The following SUMF1 variants were observed in gnomAD, a reference collection of about 807,000 sequenced individuals.
SUMF1 encodes the protein formylglycine-generating enzyme.
A neutral mutation model predicts 47.6 loss-of-function variants in SUMF1; 48 were observed. That is an observed-to-expected ratio of 1.01 (90% confidence interval 0.80 to 1.28). The LOEUF (loss-of-function observed/expected upper bound fraction) is 1.28, where lower values mean the gene tolerates loss of function less well. Among genes scored for constraint, SUMF1 ranks in the 50% most tolerant of loss-of-function variants. SUMF1 has a pLI of 0.00. For synonymous variants in SUMF1, 230 were observed against 192.1 expected (o/e 1.20, Z -1.63); for missense variants, 571 against 485.4 (o/e 1.18, Z -1.66).
At chr3:4,077,520 G>A (rs908665450) in intron 8 of SUMF1, among the ~76,000 whole-genome samples, 2 of 152,068 alleles carry the variant, frequency 1.3e-5, no homozygotes, top group Admixed American at 1.3e-4. Context: ...CATGGATGAA[G>A]CTGGAAACCA....
chr3:4,278,261 G>C (rs554436508), intron 8 of SUMF1, among the ~76,000 whole-genome samples: 2 of 151,856 alleles, frequency 1.3e-5, no homozygotes, highest in South Asian at 4.2e-4. Context: ...CAGTGAAGTA[G>C]GTAATAATCT....
At chr3:4,201,073 C>T (rs1695530964) in intron 8 of SUMF1, among the ~76,000 whole-genome samples, 1 of 151,970 alleles carries the variant, frequency 6.6e-6, no homozygotes, top group South Asian at 2.1e-4. Flanking sequence ...ATACAATGTG[C>T]AATAATCACA....
At chr3:4,186,367 T>A (rs1228571863) in intron 8 of SUMF1, among the ~76,000 whole-genome samples, 1 of 151,956 alleles carries the variant, frequency 6.6e-6, no homozygotes, top group Non-Finnish European at 1.5e-5. Context: ...TGGGGGGAGG[T>A]GAGCTGCATT....
At chr3:4,368,320 TA>T (rs1700049243) in intron 8 of SUMF1, among the ~76,000 whole-genome samples, 1 of 152,132 alleles carries the variant, frequency 6.6e-6, no homozygotes, top group South Asian at 2.1e-4. Context: ...TGGCAATCAT[TA>T]AAAAGTCAGG....
Position 4,458,373 on chromosome 3 carries a change from T to G in SUMF1, c.271-5324A>C, listed in dbSNP as rs564177647. On this transcript the variant is annotated intron_variant, in intron 1 of 8. Transcript: ENST00000272902. ...TACCATATGATCCAGCTATCCCACT[T>G]CTGGGTATATGGCCAAAGGAAATAA... is the stretch of plus-strand genomic sequence containing the variant. 2.6e-5 allele frequency among the ~76,000 whole-genome samples: 4 copies of G among 152,264 alleles called. No individual in the cohort carries two copies. The South Asian group carries it at 8.3e-4, about 32-fold the overall frequency.
At chr3:4,307,856 C>T (rs1049240554) in intron 8 of SUMF1, among the ~76,000 whole-genome samples, 1 of 152,058 alleles carries the variant, frequency 6.6e-6, no homozygotes, top group Non-Finnish European at 1.5e-5. Context: ...TAACAAAGGG[C>T]AACAAAGTGA....
At chr3:4,423,084 G>A (rs1559290523) in intron 3 of SUMF1, among the ~76,000 whole-genome samples, 2 of 152,160 alleles carry the variant, frequency 1.3e-5, no homozygotes, top group Non-Finnish European at 2.9e-5. Flanking sequence ...GAAAGAGCGT[G>A]GAGATTCCCT....
chr3:4,211,732 T>C (rs764945310), intron 8 of SUMF1, among the ~76,000 whole-genome samples: 41 of 152,094 alleles, frequency 2.7e-4, no homozygotes, highest in African/African-American at 8.7e-4. Flanking sequence ...CCTCACCAGA[T>C]TGGCTAAAAT....
chr3:4,191,916 A>C (rs1695323418), intron 8 of SUMF1, among the ~76,000 whole-genome samples: 2 of 152,178 alleles, frequency 1.3e-5, no homozygotes, highest in Admixed American at 6.6e-5. Flanking sequence ...GTAATAACAC[A>C]GAGGAAAGAG....
intron 8 of SUMF1, among the ~76,000 whole-genome samples, chr3:4,139,172 T>C (rs1352175384): frequency 6.6e-6 from 1 of 152,090 alleles, no homozygotes. Context: ...GTTGAGGAAA[T>C]ATTCTGTCAG....
intron 8 of SUMF1, among the ~76,000 whole-genome samples, chr3:4,126,291 C>G (rs1197790651): frequency 6.6e-6 from 1 of 151,270 alleles, no homozygotes; most frequent in Non-Finnish European, 1.5e-5. Flanking sequence ...GCTTGTTCTA[C>G]TTATTCAAGT....
intron 9 of SUMF1, among the ~76,000 whole-genome samples, chr3:4,051,299 C>A (rs917771943): frequency 6.6e-6 from 1 of 152,078 alleles, no homozygotes; most frequent in South Asian, 2.1e-4. Context: ...CCCTCCTGAG[C>A]ATAGGGCCTG....
At chr3:4,359,651 T>C (rs1699698702), downstream of SUMF1, among the ~76,000 whole-genome samples, 1 of 152,138 alleles carries the variant, frequency 6.6e-6, no homozygotes, top group African/African-American at 2.4e-5. Context: ...CAGTGAGTGC[T>C]GAGCAATGGG....
chr3:4,313,104 G>A (rs779051851), intron 8 of SUMF1: 3 of 1,613,908 alleles, frequency 1.9e-6, no homozygotes, highest in Admixed American at 1.7e-5. Flanking sequence ...GCAATGTCCT[G>A]TGCCGATGCA....
intron 8 of SUMF1, among the ~76,000 whole-genome samples, chr3:4,244,926 G>T (rs867667583): frequency 6.6e-6 from 1 of 151,872 alleles, no homozygotes; most frequent in Admixed American, 6.6e-5. Flanking sequence ...TGGAGGCTTC[G>T]TTCGTTTTTG....
intron 8 of SUMF1, among the ~76,000 whole-genome samples, chr3:4,137,887 A>C (rs1318346224): frequency 1.3e-5 from 2 of 149,662 alleles, no homozygotes; most frequent in African/African-American, 4.9e-5. Flanking sequence ...CAGATGAGAT[A>C]ATCTTGCATA....
chr3:4,310,927 A>G (rs1443325532), intron 8 of SUMF1, among the ~76,000 whole-genome samples: 1 of 152,246 alleles, frequency 6.6e-6, no homozygotes, highest in African/African-American at 2.4e-5. Context: ...GTAACCATTT[A>G]CATTTGAACA....
intron 8 of SUMF1, among the ~76,000 whole-genome samples, chr3:4,255,137 T>C (rs1316844677): frequency 7.3e-5 from 11 of 150,078 alleles, no homozygotes; most frequent in South Asian, 6.4e-4. Flanking sequence ...AAAGGAACAA[T>C]CGGTACCAGC....
chr3:4,223,045 T>G (rs908442080), intron 8 of SUMF1, among the ~76,000 whole-genome samples: 1 of 152,122 alleles, frequency 6.6e-6, no homozygotes, highest in Non-Finnish European at 1.5e-5. Context: ...CTGTGCTGTT[T>G]GCATCTTGCA....
Sources: allele counts gnomAD v4.1 joint callset (sites outside exome capture counted in the v4.1 genomes callset), GRCh38; gene constraint gnomAD v4.1.1; transcripts MANE v1.5; gene names NCBI Gene and HGNC (gene_info 2026-07-23, HGNC 2026-07-21).